CLVS1: variants seen among roughly 807,000 people sequenced by gnomAD.
The protein encoded by CLVS1 is clavesin 1.
In CLVS1, 10 loss-of-function variants were observed where a neutral mutation model predicts 33.1. The ratio of observed to expected loss-of-function variants is 0.30; its 90% confidence interval spans 0.19 to 0.51. The LOEUF is 0.51. CLVS1 is among the 20% of genes least tolerant of loss of function. CLVS1 has a pLI of 0.97. For synonymous variants in CLVS1, 163 were observed against 166.1 expected (o/e 0.98, Z 0.14); for missense variants, 343 against 433.4 (o/e 0.79, Z 1.85).
chr8:60,968,799 G>A, the CLVS1 span, among the ~76,000 whole-genome samples: 1 of 151,836 alleles, frequency 6.6e-6, no homozygotes, highest in African/African-American at 2.4e-5. Context: ...TGAGGTGGGA[G>A]AATCACTTGA....
intron 2 of CLVS1, among the ~76,000 whole-genome samples, chr8:61,333,985 G>A (rs182347280): frequency 2.8e-4 from 43 of 152,222 alleles, no homozygotes; most frequent in Non-Finnish European, 5.9e-4. Flanking sequence ...AGTTTGCTGG[G>A]GATAATGGCC....
chr8:61,032,989 G>GA, the CLVS1 span, among the ~76,000 whole-genome samples: 48 of 63,314 alleles, frequency 7.6e-4, no homozygotes, highest in African/African-American at 1.8e-3. Flanking sequence ...AGGAAGGAAG[G>GA]AAGGAAAGAA....
At position 61,182,104 on chromosome 8, in the gene CLVS1, G is replaced by A. The variant is rs539803405; in HGVS notation, c.-152+50244G>A. 1.2e-4 allele frequency among the ~76,000 whole-genome samples: 19 copies of A among 152,252 alleles called. No individual in the cohort carries two copies. The South Asian group carries it at 2.7e-3, about 22-fold the overall frequency. On this transcript the variant is annotated intron_variant, in intron 2 of 2. Transcript: ENST00000522621. ...GAAATGATTCCCTTTTTAATAAATA[G>A]TGCTGGGAAAACTGCCTAGCCATAT...
intron 2 of CLVS1, among the ~76,000 whole-genome samples, chr8:61,315,077 C>G (rs990415526): frequency 6.6e-6 from 1 of 152,126 alleles, no homozygotes; most frequent in Non-Finnish European, 1.5e-5. Context: ...AACGGAAAAC[C>G]TAGGCAGTTT....
intron 5 of CLVS1, among the ~76,000 whole-genome samples, chr8:61,490,603 A>G (rs1804038535): frequency 6.7e-6 from 1 of 149,668 alleles, no homozygotes. Context: ...GACTGCAGTG[A>G]GCCGAGATCA....
chr8:61,288,210 A>G (rs546448967), intron 1 of CLVS1, 72 bp downstream of exon 1: 9 of 456,048 alleles, frequency 2.0e-5, no homozygotes, highest in African/African-American at 6.0e-5. Flanking sequence ...TTTCGATGCC[A>G]TGGCTGCGGC....
At chr8:60,983,969 A>G in the CLVS1 span, among the ~76,000 whole-genome samples, 1 of 152,182 alleles carries the variant, frequency 6.6e-6, no homozygotes, top group Non-Finnish European at 1.5e-5. Flanking sequence ...TTCCAGAAGA[A>G]GGATTTTCCT....
At chr8:61,049,462 T>C in the CLVS1 span, among the ~76,000 whole-genome samples, 5 of 152,358 alleles carry the variant, frequency 3.3e-5, no homozygotes, top group Middle Eastern at 6.8e-3. Flanking sequence ...TTTGTTCCAA[T>C]GATAAATTAT....
chr8:61,278,414 C>T (rs1809604380), intron 2 of CLVS1, among the ~76,000 whole-genome samples: 2 of 152,192 alleles, frequency 1.3e-5, no homozygotes, highest in African/African-American at 4.8e-5. Flanking sequence ...TGTTTAGGCC[C>T]ATCTTCCTCT....
intron 2 of CLVS1, among the ~76,000 whole-genome samples, chr8:61,135,521 A>T (rs1323307401): frequency 6.6e-6 from 1 of 152,148 alleles, no homozygotes; most frequent in Non-Finnish European, 1.5e-5. Context: ...AGAAGGTTTG[A>T]TGAGGGAGTA....
chr8:61,403,610 G>T (rs1212063997), intron 3 of CLVS1, among the ~76,000 whole-genome samples: 1 of 152,126 alleles, frequency 6.6e-6, no homozygotes. Flanking sequence ...AATGAGAGGA[G>T]CTGAAGATGC....
At chr8:61,238,427 C>T (rs1684587718) in intron 2 of CLVS1, among the ~76,000 whole-genome samples, 1 of 152,002 alleles carries the variant, frequency 6.6e-6, no homozygotes, top group African/African-American at 2.4e-5. Flanking sequence ...TCTTTTTCCC[C>T]CACAAAGAGA....
Position 61,318,905 on chromosome 8 carries a change from C to A in CLVS1, c.455+18623C>A, listed in dbSNP as rs549334059. On this transcript the variant is annotated intron_variant, in intron 2 of 5. Transcript: ENST00000325897. The stretch of plus-strand genomic sequence containing the variant: ...GAATTACAGGCATGAGTACCTGTAC[C>A]TGACCTAAGTCTCATCTGTTTTTAA... Among the ~76,000 whole-genome samples the A allele has an allele frequency of 3.9e-5, 6 of 152,234 alleles. No individual in the cohort carries two copies. The South Asian group carries it at 1.2e-3, about 32-fold the overall frequency.
intron 5 of CLVS1, among the ~76,000 whole-genome samples, chr8:61,466,868 C>G (rs1007756014): frequency 5.3e-5 from 8 of 152,070 alleles, no homozygotes; most frequent in Non-Finnish European, 8.8e-5. Context: ...AAGCTGGTCT[C>G]GAACTCCTGA....
chr8:61,123,274 T>A (rs4099520), intron 1 of CLVS1, among the ~76,000 whole-genome samples: 75,590 of 120,134 alleles, frequency 0.63, 26,791 homozygotes, highest in East Asian at 0.97. Context: ...TGTCTCAAAA[T>A]AATAATAATA....
intron 3 of CLVS1, among the ~76,000 whole-genome samples, chr8:61,413,400 C>G (rs1815309722): frequency 6.6e-6 from 1 of 152,090 alleles, no homozygotes; most frequent in African/African-American, 2.4e-5. Flanking sequence ...AGACCCAGAG[C>G]CAGCTAATGA....
At chr8:61,368,885 C>T (rs115307254) in intron 2 of CLVS1, among the ~76,000 whole-genome samples, 2,637 of 152,250 alleles carry the variant, frequency 0.017, 87 homozygotes, top group African/African-American at 0.06. Context: ...TATTCTTATG[C>T]TAACACAATT....
intron 2 of CLVS1, among the ~76,000 whole-genome samples, chr8:61,282,693 T>C (rs1403383407): frequency 6.6e-6 from 1 of 152,230 alleles, no homozygotes; most frequent in Non-Finnish European, 1.5e-5. Flanking sequence ...TGCTTATACA[T>C]GGGGAAAGAT....
rs529228006 is a variant in CLVS1, at chr8:61,368,780, A to G, written c.456-7825A>G. Among the ~76,000 whole-genome samples, 4 of 152,350 alleles carry G rather than the reference A, an allele frequency of 2.6e-5. No individual in the cohort carries two copies. In the South Asian group the frequency reaches 8.3e-4, roughly 32 times the overall value. On this transcript the variant is annotated intron_variant, in intron 2 of 5. Coordinates refer to ENST00000325897, the MANE Select transcript of CLVS1 (RefSeq NM_173519.3). The stretch of plus-strand genomic sequence containing the variant: ...TAATAGTATTCAATACATTATTTCT[A>G]AAAATCTGATGCTGAGGCTTTGAAT...
Sources: allele counts gnomAD v4.1 joint callset (sites outside exome capture counted in the v4.1 genomes callset), GRCh38; gene constraint gnomAD v4.1.1; transcripts MANE v1.5; gene names NCBI Gene and HGNC (gene_info 2026-07-23, HGNC 2026-07-21).